SPIRE1: variants seen among roughly 807,000 people sequenced by gnomAD.
SPIRE1 encodes the protein protein spire homolog 1.
Under a neutral mutation model 94.1 loss-of-function variants are expected in SPIRE1, and 40 were observed. That is an observed-to-expected ratio of 0.43 (90% confidence interval 0.33 to 0.55). SPIRE1 has a LOEUF of 0.55. Ranked by LOEUF, SPIRE1 falls within the 20% of genes least tolerant of loss-of-function variation. The pLI is 0.06. For synonymous variants in SPIRE1, 376 were observed against 371.7 expected (o/e 1.01, Z -0.13); for missense variants, 838 against 975.2 (o/e 0.86, Z 1.87).
chr18:12,574,405 A>G (rs1287201108), intron 2 of SPIRE1, among the ~76,000 whole-genome samples: 2 of 152,288 alleles, frequency 1.3e-5, no homozygotes, highest in Admixed American at 1.3e-4. Context: ...GTAGATAGAG[A>G]AAGTCTTTAG....
At chr18:12,650,259 T>A (rs540436928) in intron 1 of SPIRE1, among the ~76,000 whole-genome samples, 17 of 148,996 alleles carry the variant, frequency 1.1e-4, no homozygotes, top group African/African-American at 4.2e-4. Context: ...AATAAACAAA[T>A]AAATAAAAGT....
rs1471888692 is a variant in SPIRE1 at position 12,526,635 on chromosome 18, AGAGT to A, written c.729+8837_729+8840del. On this transcript the variant is annotated intron_variant, in intron 4 of 16. Coordinates refer to ENST00000409402, the MANE Select transcript of SPIRE1 (RefSeq NM_001128626.2). ...ATAAAGTCAGAACAGCATTTAGCAC[AGAGT>A]AAGTATGGAATAAACGTTAGCAGTA... Among the ~76,000 whole-genome samples, 3 of 152,348 alleles carry A rather than the reference AGAGT, an allele frequency of 2.0e-5. No homozygotes were observed. In the South Asian group the frequency reaches 6.2e-4, roughly 32 times the overall value.
chr18:12,648,322 C>T (rs1190254644), intron 1 of SPIRE1, among the ~76,000 whole-genome samples: 2 of 152,126 alleles, frequency 1.3e-5, no homozygotes, highest in Non-Finnish European at 2.9e-5. Flanking sequence ...TCCAGGTTAT[C>T]GTAGCCAGTG....
At chr18:12,518,072 GTGATCATGGCTCACCGC>G in intron 4 of SPIRE1, among the ~76,000 whole-genome samples, 2 of 152,312 alleles carry the variant, frequency 1.3e-5, no homozygotes, top group Admixed American at 1.3e-4. Flanking sequence ...GAGCAGTGGT[GTGATCATGGCTCACCGC>G]AGCCTCAACT....
At chr18:12,479,170 CTTTT>C (rs1351687722) in intron 10 of SPIRE1, among the ~76,000 whole-genome samples, 2 of 132,266 alleles carry the variant, frequency 1.5e-5, no homozygotes, top group African/African-American at 6.0e-5. Context: ...TTTTTTTTTT[CTTTT>C]TCTTTTTTTT....
intron 4 of SPIRE1, among the ~76,000 whole-genome samples, chr18:12,525,298 ATAAT>A (rs1330566113): frequency 3.1e-5 from 4 of 129,250 alleles, no homozygotes; most frequent in East Asian, 2.2e-4. Flanking sequence ...AAAAAAAAAA[ATAAT>A]AATAATAATA....
At chr18:12,628,866 G>A (rs1342018139) in intron 2 of SPIRE1, among the ~76,000 whole-genome samples, 1 of 152,158 alleles carries the variant, frequency 6.6e-6, no homozygotes, top group East Asian at 1.9e-4. Flanking sequence ...TAGTGTACAG[G>A]AATGAGTAAG....
chr18:12,457,573 T>C (rs2031572142), intron 12 of SPIRE1, among the ~76,000 whole-genome samples: 1 of 152,218 alleles, frequency 6.6e-6, no homozygotes, highest in Admixed American at 6.5e-5. Context: ...TTCCCTTGCT[T>C]GCTCATGTGT....
intron 2 of SPIRE1, among the ~76,000 whole-genome samples, chr18:12,571,821 A>G (rs1176120878): frequency 1.3e-5 from 2 of 152,246 alleles, no homozygotes; most frequent in Non-Finnish European, 2.9e-5. Context: ...ATGGAGATAC[A>G]GCAATGAAGA....
intron 2 of SPIRE1, among the ~76,000 whole-genome samples, chr18:12,581,195 C>A (rs556827239): frequency 6.6e-6 from 1 of 152,198 alleles, no homozygotes; most frequent in East Asian, 1.9e-4. Flanking sequence ...AAACACACCC[C>A]ACGTCATCAA....
At chr18:12,497,265 T>C (rs1203896458) in intron 6 of SPIRE1, among the ~76,000 whole-genome samples, 2 of 152,206 alleles carry the variant, frequency 1.3e-5, no homozygotes, top group Non-Finnish European at 2.9e-5. Flanking sequence ...TCTACTCTAA[T>C]GTCCTCTCTT....
chr18:12,454,370 G>C lies in SPIRE1; in HGVS notation c.1752C>G (p.Ile584Met), dbSNP rs774681820. 1.2e-6 allele frequency: 2 copies of C among 1,614,178 alleles called. No individual in the cohort carries two copies. The highest frequency in any genetic ancestry group is 2.7e-5 in the African/African-American group (2 of 75,038). ...CCTTTCCTTTTTTCAAGGCGGTGTA[G>C]ATGTCTTTATACTGTTGGTATTTTT... ...ELEKYQQYKD[I>M]YTALKKGKLC... Residue 584 changes from isoleucine to methionine, a missense_variant, in exon 13 of 17, where the codon ATC becomes ATG. Transcript: ENST00000409402.
intron 2 of SPIRE1, among the ~76,000 whole-genome samples, chr18:12,631,455 T>C (rs1475112078): frequency 1.5e-5 from 2 of 137,820 alleles, no homozygotes; most frequent in African/African-American, 5.6e-5. Context: ...CTCACATTTA[T>C]AATCCCAACA....
At chr18:12,568,214 A>G (rs368797009) in intron 2 of SPIRE1, among the ~76,000 whole-genome samples, 15 of 152,352 alleles carry the variant, frequency 9.8e-5, no homozygotes, top group Admixed American at 7.8e-4. Context: ...GGACCTTCCC[A>G]GGGTGGGAAC....
chr18:12,626,022 T>G (rs1347881832), intron 2 of SPIRE1, among the ~76,000 whole-genome samples: 1 of 145,320 alleles, frequency 6.9e-6, no homozygotes, highest in Non-Finnish European at 1.5e-5. Context: ...AGAGAGAGAC[T>G]CCATTCCCCA....
chr18:12,513,712 A>G (rs1235061313), intron 4 of SPIRE1, among the ~76,000 whole-genome samples: 1 of 152,090 alleles, frequency 6.6e-6, no homozygotes, highest in Non-Finnish European at 1.5e-5. Flanking sequence ...TAGTACAGAC[A>G]GGGTTTCTCC....
At chr18:12,546,318 T>C (rs1044786722) in intron 3 of SPIRE1, among the ~76,000 whole-genome samples, 1 of 152,048 alleles carries the variant, frequency 6.6e-6, no homozygotes, top group East Asian at 1.9e-4. Context: ...AATGTAGATA[T>C]GTGTCAACCA....
At chr18:12,564,465 A>G (rs1326698126) in intron 2 of SPIRE1, among the ~76,000 whole-genome samples, 1 of 152,218 alleles carries the variant, frequency 6.6e-6, no homozygotes, top group African/African-American at 2.4e-5. Context: ...AACAAAGTAA[A>G]AAACAAAAAA....
intron 5 of SPIRE1, among the ~76,000 whole-genome samples, chr18:12,510,809 G>A (rs1008600410): frequency 3.3e-5 from 5 of 152,060 alleles, no homozygotes; most frequent in Non-Finnish European, 7.4e-5. Flanking sequence ...CAAAGTGCTG[G>A]GATTACAGGT....
Sources: gnomAD v4.1 joint callset for allele counts (sites outside exome capture counted in the v4.1 genomes callset) on GRCh38, gnomAD v4.1.1 for gene constraint, MANE v1.5 for transcripts, NCBI Gene and HGNC (gene_info 2026-07-23, HGNC 2026-07-21) for gene names.